Variants in SUGCT observed in about 807,000 individuals in gnomAD.
SUGCT encodes the protein succinyl-CoA:glutarate CoA-transferase.
A neutral mutation model predicts 55.0 loss-of-function variants in SUGCT; 41 were observed. The observed-to-expected ratio is 0.74, with a 90% CI of 0.58 to 0.97. SUGCT has a LOEUF of 0.97. SUGCT is among the 50% of genes least tolerant of loss of function. The probability of loss-of-function intolerance (pLI) is 0.00; values close to 1 mark genes in which losing one functional copy is unlikely to be tolerated. For missense variants in SUGCT, 568 were observed against 547.8 expected, an observed-to-expected ratio of 1.04 and a Z score of -0.37; for synonymous variants, 187 against 200.4, an observed-to-expected ratio of 0.93 and a Z score of 0.56.
At chr7:40,247,631 A>T (rs146781613) in intron 7 of SUGCT, among the ~76,000 whole-genome samples, 11 of 152,262 alleles carry the variant, frequency 7.2e-5, no homozygotes, top group Middle Eastern at 3.4e-3. Context: ...CAATTCCCTG[A>T]TGAGTTAAGA....
At chr7:40,873,038 G>A in the SUGCT span, among the ~76,000 whole-genome samples, 1,184 of 152,206 alleles carry the variant, frequency 7.8e-3, 20 homozygotes, top group African/African-American at 0.027. Context: ...TAACAGTAAC[G>A]TACCCTACCC....
intron 13 of SUGCT, among the ~76,000 whole-genome samples, chr7:40,777,443 C>T (rs1184422415): frequency 6.6e-6 from 1 of 151,518 alleles, no homozygotes; most frequent in Non-Finnish European, 1.5e-5. Context: ...ATTTATGTTT[C>T]CATGGTGGGT....
the SUGCT span, among the ~76,000 whole-genome samples, chr7:40,943,113 T>C: frequency 6.6e-6 from 1 of 151,968 alleles, no homozygotes; most frequent in African/African-American, 2.4e-5. Context: ...GTGTGATCTT[T>C]TAGGGGTGTT....
intron 9 of SUGCT, among the ~76,000 whole-genome samples, chr7:40,339,014 C>A (rs922863094): frequency 1.3e-5 from 2 of 152,200 alleles, no homozygotes; most frequent in Non-Finnish European, 2.9e-5. Flanking sequence ...GAGGTCCACT[C>A]CAGACCCTGC....
chr7:40,469,893 C>T (rs1790316995), intron 11 of SUGCT, among the ~76,000 whole-genome samples: 1 of 152,080 alleles, frequency 6.6e-6, no homozygotes, highest in Admixed American at 6.6e-5. Context: ...CTCGTTTCTC[C>T]TTTGGAACTT....
chr7:40,266,188 T>TCC (rs1173513352), intron 7 of SUGCT, among the ~76,000 whole-genome samples: 1 of 145,230 alleles, frequency 6.9e-6, no homozygotes, highest in Non-Finnish European at 1.5e-5. Flanking sequence ...TCCTTTCCTT[T>TCC]TTTTTTTTTT....
chr7:40,288,193 G>A (rs895201671), intron 8 of SUGCT, among the ~76,000 whole-genome samples: 4 of 152,006 alleles, frequency 2.6e-5, no homozygotes, highest in African/African-American at 9.7e-5. Context: ...CATAGAAAGA[G>A]TTGAAAAGTA....
intron 12 of SUGCT, among the ~76,000 whole-genome samples, chr7:40,707,130 A>T: frequency 6.6e-6 from 1 of 152,174 alleles, no homozygotes; most frequent in Non-Finnish European, 1.5e-5. Flanking sequence ...AGTGACTCAG[A>T]TTACATGAAT....
intron 13 of SUGCT, among the ~76,000 whole-genome samples, chr7:40,818,125 A>G (rs919974756): frequency 3.3e-5 from 5 of 152,234 alleles, no homozygotes; most frequent in Admixed American, 1.3e-4. Flanking sequence ...TTCAGAAACT[A>G]GGAGCTCAGG....
chr7:40,434,508 A>G, intron 9 of SUGCT, among the ~76,000 whole-genome samples: 1 of 152,168 alleles, frequency 6.6e-6, no homozygotes, highest in South Asian at 2.1e-4. Flanking sequence ...GAGAAGGAAG[A>G]ACTTAAACCA....
chr7:40,886,035 G>A, the SUGCT span, among the ~76,000 whole-genome samples: 1 of 152,158 alleles, frequency 6.6e-6, no homozygotes, highest in Admixed American at 6.5e-5. Flanking sequence ...TGTGTGGCCT[G>A]GAAAGTGTCA....
chr7:40,534,243 ATTAG>A (rs1345706720), intron 12 of SUGCT, among the ~76,000 whole-genome samples: 1 of 152,196 alleles, frequency 6.6e-6, no homozygotes, highest in Non-Finnish European at 1.5e-5. Context: ...GTGGTGTGCT[ATTAG>A]TTGTCACTTC....
In SUGCT at chr7:40,717,441, G is replaced by T. The variant is rs571141558; in HGVS notation, c.1090-31993G>T. ...CCCGTGCACAAGGCGTGAACTCCCCGTGGCCCCACCCATTTCCCCCAGGGC... is the reference window on the plus strand; with the variant it reads ...CCCGTGCACAAGGCGTGAACTCCCCTTGGCCCCACCCATTTCCCCCAGGGC... On this transcript the variant is annotated intron_variant, in intron 12 of 13. Coordinates refer to ENST00000335693, the MANE Select transcript of SUGCT (RefSeq NM_001193313.2). 2.0e-5 allele frequency among the ~76,000 whole-genome samples: 3 copies of T among 152,272 alleles called. No individual in the cohort carries two copies. The East Asian group carries it at 5.8e-4, about 29-fold the overall frequency.
intron 13 of SUGCT, among the ~76,000 whole-genome samples, chr7:40,852,104 A>G (rs1301479897): frequency 6.6e-6 from 1 of 152,226 alleles, no homozygotes; most frequent in Non-Finnish European, 1.5e-5. Flanking sequence ...GATATTTCAT[A>G]GGCATCTCAA....
At chr7:40,500,656 T>C (rs1792228987) in intron 12 of SUGCT, among the ~76,000 whole-genome samples, 1 of 152,200 alleles carries the variant, frequency 6.6e-6, no homozygotes, top group African/African-American at 2.4e-5. Context: ...ATTGTCTGTT[T>C]TCATCTCATT....
intron 11 of SUGCT, among the ~76,000 whole-genome samples, chr7:40,493,309 A>T (rs1791796208): frequency 6.6e-6 from 1 of 152,206 alleles, no homozygotes. Context: ...GACAAAATAT[A>T]GACTAAACAA....
intron 12 of SUGCT, among the ~76,000 whole-genome samples, chr7:40,665,346 G>A (rs1240109331): frequency 1.3e-5 from 2 of 152,122 alleles, no homozygotes; most frequent in Admixed American, 6.5e-5. Flanking sequence ...GGAGGCTGAG[G>A]CAGGAGAATT....
chr7:40,453,050 G>A (rs1338419945), intron 10 of SUGCT, among the ~76,000 whole-genome samples: 1 of 152,122 alleles, frequency 6.6e-6, no homozygotes, highest in Admixed American at 6.5e-5. Flanking sequence ...AGGCAGTGCA[G>A]CAGATATCCA....
At chr7:40,447,929 A>T (rs888216008) in intron 9 of SUGCT, among the ~76,000 whole-genome samples, 1 of 152,110 alleles carries the variant, frequency 6.6e-6, no homozygotes, top group African/African-American at 2.4e-5. Context: ...CTGAGGGTAA[A>T]ATTTGGTTCC....
Sources: gnomAD v4.1 joint callset for allele counts (sites outside exome capture counted in the v4.1 genomes callset) on GRCh38, gnomAD v4.1.1 for gene constraint, MANE v1.5 for transcripts, NCBI Gene and HGNC (gene_info 2026-07-23, HGNC 2026-07-21) for gene names.